HDAC9: variants seen among roughly 807,000 people sequenced by gnomAD.
The protein encoded by HDAC9 is histone deacetylase 9.
In HDAC9, 41 loss-of-function variants were observed where a neutral mutation model predicts 139.4. The ratio of observed to expected loss-of-function variants is 0.29; its 90% CI spans 0.23 to 0.38. The LOEUF (loss-of-function observed/expected upper bound fraction) is 0.38, where lower values mean the gene tolerates loss of function less well. HDAC9 is among the 10% of genes least tolerant of loss of function. The probability of loss-of-function intolerance (pLI) is 1.00; values close to 1 mark genes in which losing one functional copy is unlikely to be tolerated. For missense variants in HDAC9, 1,147 were observed against 1,297.0 expected, an observed-to-expected ratio of 0.88 and a Z score of 1.78; for synonymous variants, 517 against 476.2, an observed-to-expected ratio of 1.09 and a Z score of -1.12.
At chr7:18,451,913 C>T (rs956065758) in intron 1 of HDAC9, among the ~76,000 whole-genome samples, 1 of 152,094 alleles carries the variant, frequency 6.6e-6, no homozygotes, top group Non-Finnish European at 1.5e-5. Flanking sequence ...TTGGGAACAG[C>T]ATGGCAATGT....
At chr7:18,671,127 C>T (rs967728328) in intron 12 of HDAC9, among the ~76,000 whole-genome samples, 1 of 151,944 alleles carries the variant, frequency 6.6e-6, no homozygotes, top group Admixed American at 6.6e-5. Flanking sequence ...AGTTTCTAAG[C>T]CATCAGGACG....
At chr7:18,307,731 A>G (rs1320519839) in intron 1 of HDAC9, among the ~76,000 whole-genome samples, 1 of 152,150 alleles carries the variant, frequency 6.6e-6, no homozygotes, top group Non-Finnish European at 1.5e-5. Context: ...TGAGCCCAGG[A>G]GGCAGAGGTT....
chr7:18,589,500 A>T lies in HDAC9; in HGVS notation c.265-836A>T, dbSNP rs568824845. Among the ~76,000 whole-genome samples, 705 of 152,246 alleles carry T rather than the reference A, an allele frequency of 4.6e-3. 2 individuals are homozygous for T. Among genetic ancestry groups the T allele is most frequent in the Non-Finnish European group, 5.4e-3 (364 of 68,010 alleles). On this transcript the variant is annotated intron_variant, in intron 3 of 25. Coordinates refer to ENST00000686413, the MANE Select transcript of HDAC9 (RefSeq NM_178425.4). ...AGTGAGCTATAATGGTGCCACTGCA[A>T]TCCAGCCTGGGCAACAGAGTGAGAC...
At chr7:18,947,299 T>C (rs1257681955) in intron 23 of HDAC9, among the ~76,000 whole-genome samples, 1 of 151,938 alleles carries the variant, frequency 6.6e-6, no homozygotes, top group Non-Finnish European at 1.5e-5. Flanking sequence ...ATATGTAAGA[T>C]TTTTAAAGTC....
intron 22 of HDAC9, among the ~76,000 whole-genome samples, chr7:18,930,902 T>G (rs1804680929): frequency 6.6e-6 from 1 of 152,226 alleles, no homozygotes; most frequent in African/African-American, 2.4e-5. Flanking sequence ...TTTTTTTCAT[T>G]GCCAGAGGAA....
At chr7:18,229,080 C>G (rs1562771194) in intron 2 of HDAC9, among the ~76,000 whole-genome samples, 1 of 152,080 alleles carries the variant, frequency 6.6e-6, no homozygotes, top group Non-Finnish European at 1.5e-5. Context: ...GGGGCCTATG[C>G]AAGGAAAGGG....
intron 16 of HDAC9, among the ~76,000 whole-genome samples, chr7:18,787,070 T>C (rs1320968218): frequency 6.6e-6 from 1 of 152,164 alleles, no homozygotes; most frequent in Non-Finnish European, 1.5e-5. Context: ...TTTAAAATGT[T>C]TTGCCTATTT....
At chr7:18,769,799 G>T (rs1790132340) in intron 16 of HDAC9, among the ~76,000 whole-genome samples, 1 of 152,060 alleles carries the variant, frequency 6.6e-6, no homozygotes, top group Non-Finnish European at 1.5e-5. Context: ...TCCCCAGTAT[G>T]ATCCCGGAAG....
At chr7:18,135,380 C>T (rs1357423295) in intron 1 of HDAC9, among the ~76,000 whole-genome samples, 7 of 144,360 alleles carry the variant, frequency 4.8e-5, no homozygotes, top group African/African-American at 1.5e-4. Flanking sequence ...TATACATGTG[C>T]CATGCTGGTG....
At chr7:18,618,139 A>G (rs370907463) in intron 6 of HDAC9, among the ~76,000 whole-genome samples, 32 of 152,194 alleles carry the variant, frequency 2.1e-4, no homozygotes, top group African/African-American at 4.3e-4. Context: ...AATATATTTG[A>G]AGAAGATAAT....
chr7:18,240,798 A>T (rs187618081), intron 2 of HDAC9, among the ~76,000 whole-genome samples: 1 of 152,232 alleles, frequency 6.6e-6, no homozygotes, highest in African/African-American at 2.4e-5. Context: ...ATTCTACTCC[A>T]CACTGGCCTT....
At chr7:18,877,527 A>G (rs934416078) in intron 22 of HDAC9, among the ~76,000 whole-genome samples, 1 of 152,182 alleles carries the variant, frequency 6.6e-6, no homozygotes, top group Non-Finnish European at 1.5e-5. Context: ...TCCAAGTAGA[A>G]TATTTGATAA....
At chr7:18,950,370 C>T (rs1043953470) in intron 23 of HDAC9, among the ~76,000 whole-genome samples, 1 of 151,956 alleles carries the variant, frequency 6.6e-6, no homozygotes. Flanking sequence ...AGCAGTTCAC[C>T]TTAGAAAACA....
rs370361792 is a variant in HDAC9, at chr7:18,178,731, T to C, written c.25+16382T>C. On this transcript the variant is annotated intron_variant, in intron 2 of 12. Coordinates refer to the HDAC9 transcript ENST00000417496. ...TTCATTGATCCAACATTCTTTATAC[T>C]TTTAAAAAGTAATACAGTTTTGCAT... is the stretch of plus-strand genomic sequence containing the variant. 5.9e-5 allele frequency among the ~76,000 whole-genome samples: 9 copies of C among 152,356 alleles called. No homozygotes were observed. In the East Asian group the frequency reaches 1.7e-3, roughly 29 times the overall value.
intron 1 of HDAC9, 67 bp from the exon 2 acceptor site, chr7:18,496,195 A>G (rs1184264899): frequency 1.3e-6 from 2 of 1,547,844 alleles, no homozygotes; most frequent in Non-Finnish European, 1.8e-6. Context: ...TGTTTCATGT[A>G]GCTGAAGTAA....
chr7:18,586,336 G>A (rs1288064043), intron 3 of HDAC9, among the ~76,000 whole-genome samples: 1 of 151,806 alleles, frequency 6.6e-6, no homozygotes, highest in Admixed American at 6.6e-5. Context: ...GTTGAAACAA[G>A]GCTATTTAAT....
chr7:18,383,597 A>T (rs545873680), intron 1 of HDAC9, among the ~76,000 whole-genome samples: 1 of 152,358 alleles, frequency 6.6e-6, no homozygotes, highest in South Asian at 2.1e-4. Flanking sequence ...AATGTAAAAA[A>T]AGAAAGCAGG....
chr7:18,139,759 A>G lies in HDAC9; in HGVS notation c.-96-22470A>G, dbSNP rs527998387. On this transcript the variant is annotated intron_variant, in intron 1 of 12. Transcript: ENST00000417496. Reference sequence around the variant, plus strand: ...CCAGGTGGGCCCTAAATGCAGTCACATGTATCTTATAAAGAGGGAGACAGA... The same window carrying G: ...CCAGGTGGGCCCTAAATGCAGTCACGTGTATCTTATAAAGAGGGAGACAGA... Among the ~76,000 whole-genome samples, 32 of 152,334 alleles carry G rather than the reference A, an allele frequency of 2.1e-4. 1 individual carries two copies. Among genetic ancestry groups the G allele is most frequent in the Middle Eastern group, 3.4e-3 (1 of 294 alleles).
chr7:18,835,366 A>T, intron 19 of HDAC9, 101 bp from the exon 20 acceptor site: 1 of 1,270,360 alleles, frequency 7.9e-7, no homozygotes, highest in Non-Finnish European at 1.1e-6. Context: ...AGAAAATGAG[A>T]AAGAAAGTGG....
Sources: gnomAD v4.1 joint callset for allele counts (sites outside exome capture counted in the v4.1 genomes callset) on GRCh38, gnomAD v4.1.1 for gene constraint, MANE v1.5 for transcripts, NCBI Gene and HGNC (gene_info 2026-07-23, HGNC 2026-07-21) for gene names.